The following GPC6 variants were observed in gnomAD, a reference collection of about 807,000 sequenced individuals.
GPC6 encodes the protein glypican 6, also known as glypican-6.
In GPC6, 14 loss-of-function variants were observed where a neutral mutation model predicts 55.2. The observed-to-expected ratio is 0.25, with a 90% confidence interval of 0.17 to 0.40. GPC6 has a LOEUF of 0.40. Ranked by LOEUF, GPC6 falls within the 10% of genes least tolerant of loss-of-function variation. GPC6 has a pLI of 1.00. For missense variants in GPC6, 641 were observed against 708.5 expected (o/e 0.90, Z 1.08); for synonymous variants, 278 against 259.6 (o/e 1.07, Z -0.68).
chr13:94,059,852 C>G lies in GPC6; in HGVS notation c.877+31958C>G, dbSNP rs563632305. On this transcript the variant is annotated intron_variant, in intron 4 of 8. Transcript: ENST00000377047. ...CTAATCCTCCCAAAGGCCCCACCTC[C>G]TAATACCATCACTTTGGGGTTTCAT... Among the ~76,000 whole-genome samples the G allele has an allele frequency of 1.3e-4, 19 of 151,996 alleles. No individual in the cohort carries two copies. The South Asian group carries it at 4.0e-3, about 32-fold the overall frequency.
chr13:94,337,074 G>C (rs985715286), intron 6 of GPC6, among the ~76,000 whole-genome samples: 1 of 152,162 alleles, frequency 6.6e-6, no homozygotes, highest in Non-Finnish European at 1.5e-5. Flanking sequence ...CTTTCACCCT[G>C]TTCAGAGACA....
intron 1 of GPC6, among the ~76,000 whole-genome samples, chr13:93,524,156 A>C (rs550073905): frequency 1.3e-5 from 2 of 152,042 alleles, no homozygotes; most frequent in East Asian, 3.9e-4. Flanking sequence ...AAAAATACCC[A>C]ACTCTTTCAG....
At chr13:93,782,320 A>G (rs912019226) in intron 2 of GPC6, among the ~76,000 whole-genome samples, 4 of 152,034 alleles carry the variant, frequency 2.6e-5, no homozygotes, top group Non-Finnish European at 5.9e-5. Context: ...CATTTTCCTT[A>G]TCCATTCATC....
chr13:93,492,305 T>A (rs994152690), intron 1 of GPC6, among the ~76,000 whole-genome samples: 19 of 140,542 alleles, frequency 1.4e-4, no homozygotes, highest in African/African-American at 5.1e-4. Context: ...AGTTCACTCA[T>A]GATTTGGCTC....
chr13:93,786,202 A>G (rs1885809820), intron 2 of GPC6, among the ~76,000 whole-genome samples: 1 of 152,106 alleles, frequency 6.6e-6, no homozygotes, highest in Admixed American at 6.5e-5. Context: ...AACAGCAACA[A>G]CCTTCCCAAC....
At chr13:94,120,428 A>G (rs1180246502) in intron 4 of GPC6, among the ~76,000 whole-genome samples, 2 of 151,980 alleles carry the variant, frequency 1.3e-5, no homozygotes, top group African/African-American at 4.8e-5. Context: ...TAATTCCTCT[A>G]TTCTTAAAGG....
intron 2 of GPC6, among the ~76,000 whole-genome samples, chr13:93,660,281 A>AT (rs1452965505): frequency 6.6e-6 from 1 of 151,960 alleles, no homozygotes; most frequent in Non-Finnish European, 1.5e-5. Flanking sequence ...TATCAATGTT[A>AT]TTTTTCAATT....
chr13:94,111,915 C>T (rs1886264394), intron 4 of GPC6, among the ~76,000 whole-genome samples: 1 of 152,136 alleles, frequency 6.6e-6, no homozygotes, highest in Admixed American at 6.6e-5. Context: ...CTCTCTCACT[C>T]ATACTCATAT....
At chr13:93,906,798 G>A (rs78021754) in intron 3 of GPC6, among the ~76,000 whole-genome samples, 3 of 152,234 alleles carry the variant, frequency 2.0e-5, no homozygotes, top group South Asian at 2.1e-4. Context: ...TGAACACAAA[G>A]GGGGATAAAA....
chr13:93,762,837 TCAC>T (rs1295721779), intron 2 of GPC6, among the ~76,000 whole-genome samples: 1 of 152,170 alleles, frequency 6.6e-6, no homozygotes, highest in Non-Finnish European at 1.5e-5. Context: ...TTCATAACTG[TCAC>T]CCACCATTTA....
chr13:93,785,298 G>A (rs9556324), intron 2 of GPC6, among the ~76,000 whole-genome samples: 50,451 of 152,044 alleles, frequency 0.33, 8,807 homozygotes, highest in African/African-American at 0.44. Flanking sequence ...TATGATAAAT[G>A]AGGTAGAAAA....
In GPC6 at chr13:94,093,059, T is replaced by G. The variant is rs116707891; in HGVS notation, c.877+65165T>G. Among the ~76,000 whole-genome samples, 382 of 152,244 alleles carry G rather than the reference T, an allele frequency of 2.5e-3. 1 individual carries two copies. Among genetic ancestry groups the G allele is most frequent in the African/African-American group, 8.9e-3 (370 of 41,576 alleles). On this transcript the variant is annotated intron_variant, in intron 4 of 8. Coordinates refer to ENST00000377047, the MANE Select transcript of GPC6 (RefSeq NM_005708.5). ...GGTTTACAAATATTTTATCCATTTC[T>G]TATATTGCCTTTTCACTCAATTGAT...
intron 1 of GPC6, among the ~76,000 whole-genome samples, chr13:93,493,680 A>G (rs1416802353): frequency 7.3e-6 from 1 of 136,742 alleles, no homozygotes; most frequent in Non-Finnish European, 1.6e-5. Flanking sequence ...ATTTCCCTCT[A>G]CACACTGCAT....
intron 1 of GPC6, among the ~76,000 whole-genome samples, chr13:93,313,031 A>T (rs1879126917): frequency 6.6e-6 from 1 of 152,196 alleles, no homozygotes. Flanking sequence ...TAGGTAATGA[A>T]GTTAAGACTT....
intron 1 of GPC6, among the ~76,000 whole-genome samples, chr13:93,466,532 T>C (rs532216866): frequency 8.9e-4 from 135 of 152,340 alleles, no homozygotes; most frequent in Middle Eastern, 3.4e-3. Flanking sequence ...ATCATCTGTA[T>C]TGTTTAGGTT....
intron 1 of GPC6, among the ~76,000 whole-genome samples, chr13:93,466,511 G>A (rs1347534527): frequency 1.3e-5 from 2 of 152,162 alleles, no homozygotes; most frequent in African/African-American, 2.4e-5. Context: ...TGAATGAGTC[G>A]AGGAATTGTG....
chr13:93,227,591 G>T lies in GPC6; in HGVS notation c.135G>T (p.Ala45=). Residue 45 remains alanine (A), a synonymous_variant, in exon 1 of 9, where the codon GCG becomes GCT. Transcript: ENST00000377047. This position sits in a 1 kb window ranked among gnomAD's most constrained non-coding sequence, Gnocchi z 4.3. ...ACGGTGCCAAGGGATTCAGCCTGGCGGACATCCCCTACCAGGAGATCGCAG... is the reference window on the plus strand; with the variant it reads ...ACGGTGCCAAGGGATTCAGCCTGGCTGACATCCCCTACCAGGAGATCGCAG... The part of the protein sequence containing the change: ...QAYGAKGFSL[A]DIPYQEIAGE... The T allele has an allele frequency of 1.2e-6, 2 of 1,608,830 alleles. No individual in the cohort carries two copies.
At chr13:94,020,175 T>C (rs914032091) in intron 3 of GPC6, among the ~76,000 whole-genome samples, 1 of 152,178 alleles carries the variant, frequency 6.6e-6, no homozygotes, top group Non-Finnish European at 1.5e-5. Flanking sequence ...TTTTGGCATG[T>C]TGTGTTTTCA....
chr13:93,583,979 G>A (rs772874428), intron 2 of GPC6, among the ~76,000 whole-genome samples: 65 of 152,110 alleles, frequency 4.3e-4, no homozygotes, highest in African/African-American at 1.3e-3. Context: ...TTCATACTCC[G>A]TGTACCTACA....
Sources: gnomAD v4.1 joint callset for allele counts (sites outside exome capture counted in the v4.1 genomes callset) on GRCh38, gnomAD v4.1.1 for gene constraint, Gnocchi (gnomAD v3.1) non-coding constraint, MANE v1.5 for transcripts, NCBI Gene and HGNC (gene_info 2026-07-23, HGNC 2026-07-21) for gene names.